The following IL1RAPL1 variants were observed in gnomAD, a reference collection of about 807,000 sequenced individuals.
IL1RAPL1 encodes interleukin-1 receptor accessory protein-like 1.
In IL1RAPL1, 3 loss-of-function variants were observed where a neutral mutation model predicts 48.4. The ratio of observed to expected loss-of-function variants is 0.06; its 90% CI spans 0.03 to 0.16. The LOEUF is 0.16. IL1RAPL1 is among the 10% of genes least tolerant of loss of function. The pLI is 1.00. For synonymous variants in IL1RAPL1, 185 were observed against 187.7 expected (o/e 0.99, Z 0.12); for missense variants, 349 against 530.6 (o/e 0.66, Z 3.36).
At chrX:29,565,211 G>C (rs1300422978) in intron 5 of IL1RAPL1, among the ~76,000 whole-genome samples, 1 of 110,707 alleles carries the variant, frequency 9.0e-6, no homozygotes, top group Non-Finnish European at 1.9e-5. Context: ...AAAGAAAACA[G>C]ATAACAAATC....
intron 5 of IL1RAPL1, among the ~76,000 whole-genome samples, chrX:29,588,171 T>A (rs1273543222): frequency 1.8e-5 from 2 of 112,695 alleles, no homozygotes; most frequent in Non-Finnish European, 3.7e-5. Context: ...TGATTCTCTT[T>A]TTAACATGCA....
At chrX:29,003,912 C>A (rs942032021) in intron 2 of IL1RAPL1, among the ~76,000 whole-genome samples, 1 of 112,016 alleles carries the variant, frequency 8.9e-6, no homozygotes, top group Non-Finnish European at 1.9e-5. Flanking sequence ...GCAGCCAAGG[C>A]AGCTGGATCA....
Position 29,274,354 on chromosome X carries a change from T to C in IL1RAPL1, c.83-8584T>C, listed in dbSNP as rs184804363. On this transcript the variant is annotated intron_variant, in intron 2 of 10. Transcript: ENST00000378993. ...TATATTATATATTTCATGAGACTTCTCTGATAAAAATAGACTTGGCATCAC... is the reference window on the plus strand; with the variant it reads ...TATATTATATATTTCATGAGACTTCCCTGATAAAAATAGACTTGGCATCAC... Among the ~76,000 whole-genome samples, 566 of 111,895 alleles carry C rather than the reference T, an allele frequency of 5.1e-3. 2 individuals are homozygous for C. The highest frequency in any genetic ancestry group is 0.018 in the African/African-American group (541 of 30,536).
intron 2 of IL1RAPL1, among the ~76,000 whole-genome samples, chrX:28,856,918 T>A (rs1921819549): frequency 2.7e-5 from 3 of 112,318 alleles, no homozygotes; most frequent in South Asian, 3.6e-4. Context: ...GAAGAAAGCA[T>A]GGTGAAAGCT....
intron 6 of IL1RAPL1, among the ~76,000 whole-genome samples, chrX:29,886,092 G>T (rs1240491029): frequency 8.9e-6 from 1 of 111,762 alleles, no homozygotes; most frequent in Admixed American, 9.5e-5. Flanking sequence ...AATAAAATTT[G>T]CACATGGAAA....
chrX:29,775,992 T>C (rs1313815090), intron 6 of IL1RAPL1, among the ~76,000 whole-genome samples: 2 of 110,982 alleles, frequency 1.8e-5, no homozygotes, highest in Non-Finnish European at 3.8e-5. Context: ...TTTTTTTCTC[T>C]TTCTATCTCT....
intron 2 of IL1RAPL1, among the ~76,000 whole-genome samples, chrX:28,971,387 A>G (rs1405679206): frequency 8.9e-6 from 1 of 112,423 alleles, no homozygotes; most frequent in Non-Finnish European, 1.9e-5. Flanking sequence ...AGAATTCTTG[A>G]TGAAGCTGTT....
intron 6 of IL1RAPL1, among the ~76,000 whole-genome samples, chrX:29,673,957 A>T (rs1483739620): frequency 3.6e-5 from 4 of 112,325 alleles, no homozygotes; most frequent in African/African-American, 1.3e-4. Flanking sequence ...AATAAATGGA[A>T]ACTAGTATTC....
chrX:29,774,584 A>T (rs891763182), intron 6 of IL1RAPL1, among the ~76,000 whole-genome samples: 46 of 112,367 alleles, frequency 4.1e-4, no homozygotes, highest in Non-Finnish European at 1.5e-4. Flanking sequence ...CAGTGAATAT[A>T]ATTTTTATAC....
intron 3 of IL1RAPL1, among the ~76,000 whole-genome samples, chrX:29,293,957 T>C (rs1324511653): frequency 9.0e-6 from 1 of 110,909 alleles, no homozygotes; most frequent in East Asian, 2.8e-4. Context: ...TAATCACTTA[T>C]TTGAGATCAG....
chrX:29,908,267 A>T (rs1292410731), intron 6 of IL1RAPL1, among the ~76,000 whole-genome samples: 4 of 109,628 alleles, frequency 3.6e-5, no homozygotes, highest in Admixed American at 3.0e-4. Flanking sequence ...TTCATTTTTA[A>T]ATTTCAAGCC....
chrX:29,565,973 G>C (rs1241430093), intron 5 of IL1RAPL1, among the ~76,000 whole-genome samples: 4 of 109,928 alleles, frequency 3.6e-5, no homozygotes, highest in Non-Finnish European at 5.7e-5. Context: ...TTTTGAGACG[G>C]AGTCTCGCTC....
intron 5 of IL1RAPL1, among the ~76,000 whole-genome samples, chrX:29,426,642 G>C (rs1470653991): frequency 2.7e-5 from 3 of 111,696 alleles, no homozygotes; most frequent in Non-Finnish European, 3.8e-5. Context: ...GAGGATTATT[G>C]TGAAGATTAA....
intron 6 of IL1RAPL1, among the ~76,000 whole-genome samples, chrX:29,698,420 T>C (rs1180473990): frequency 5.4e-5 from 6 of 111,700 alleles, no homozygotes; most frequent in Non-Finnish European, 1.1e-4. Context: ...GGTTATTCGC[T>C]GTCTTAGCAT....
chrX:29,617,690 A>T (rs954169137), intron 5 of IL1RAPL1, among the ~76,000 whole-genome samples: 8 of 112,085 alleles, frequency 7.1e-5, no homozygotes, highest in Non-Finnish European at 1.5e-4. Flanking sequence ...ACCTCGTGAA[A>T]AACAGACCAG....
intron 2 of IL1RAPL1, among the ~76,000 whole-genome samples, chrX:29,252,665 C>T (rs1247451109): frequency 9.4e-6 from 1 of 106,749 alleles, no homozygotes; most frequent in African/African-American, 3.4e-5. Context: ...GTGATACAAT[C>T]TTATGTCATT....
chrX:29,006,851 A>G (rs1925996990), intron 2 of IL1RAPL1, among the ~76,000 whole-genome samples: 1 of 110,779 alleles, frequency 9.0e-6, no homozygotes, highest in African/African-American at 3.3e-5. Flanking sequence ...TATATCATTT[A>G]TATATTTATA....
chrX:28,764,634 C>A lies in IL1RAPL1; in HGVS notation c.-24-24686C>A, dbSNP rs944444324. ...CATGATACTAGCACTGAGCAATACTCTTCTGTTAATTCAAGTTACTCTGAA... is the reference window on the plus strand; with the variant it reads ...CATGATACTAGCACTGAGCAATACTATTCTGTTAATTCAAGTTACTCTGAA... On this transcript the variant is annotated intron_variant, in intron 1 of 10. Transcript: ENST00000378993. Among the ~76,000 whole-genome samples the A allele has an allele frequency of 3.8e-5, 3 of 79,179 alleles. No homozygotes were observed. The South Asian group carries it at 1.9e-3, about 50-fold the overall frequency. 68.8% of individuals were successfully genotyped at this position (79,179 alleles called of 115,157 possible).
At chrX:29,049,762 G>A (rs1927052663) in intron 2 of IL1RAPL1, among the ~76,000 whole-genome samples, 2 of 112,011 alleles carry the variant, frequency 1.8e-5, no homozygotes, top group Admixed American at 9.4e-5. Flanking sequence ...TTTTTATTTT[G>A]AATTAATTTT....
Sources: gnomAD v4.1 joint callset for allele counts (sites outside exome capture counted in the v4.1 genomes callset) on GRCh38, gnomAD v4.1.1 for gene constraint, MANE v1.5 for transcripts, NCBI Gene and HGNC (gene_info 2026-07-23, HGNC 2026-07-21) for gene names.